The following CD300LB variants were observed in gnomAD, a reference collection of about 807,000 sequenced individuals.
CD300LB encodes CMRF35-like molecule 7.
A neutral mutation model predicts 20.8 loss-of-function variants in CD300LB; 18 were observed. That is an observed-to-expected ratio of 0.87 (90% CI 0.60 to 1.28). CD300LB has a LOEUF of 1.28. Among genes scored for constraint, CD300LB ranks in the 50% most tolerant of loss-of-function variants. The pLI is 0.00. For synonymous variants in CD300LB, 91 were observed against 91.3 expected (o/e 1.00, Z 0.02); for missense variants, 222 against 251.8 (o/e 0.88, Z 0.80).
chr17:74,526,805 T>A (rs1908049930), intron 1 of CD300LB, among the ~76,000 whole-genome samples: 1 of 152,222 alleles, frequency 6.6e-6, no homozygotes, highest in Admixed American at 6.5e-5. Flanking sequence ...GTAATCCATG[T>A]GATGTCACTG....
chr17:74,528,982 T>C lies in CD300LB; in HGVS notation c.40+2329A>G, dbSNP rs188054100. Among the ~76,000 whole-genome samples the C allele has an allele frequency of 3.9e-5, 6 of 151,916 alleles. No individual in the cohort carries two copies. The East Asian group carries it at 1.2e-3, about 29-fold the overall frequency. ...CCCTGTGTCTGCAAATGCAAAAGAT[T>C]AGCCAGGAGTGGTGGTGCATGCCTG... On this transcript the variant is annotated intron_variant, in intron 1 of 3. Transcript: ENST00000392621.
intron 1 of CD300LB, among the ~76,000 whole-genome samples, chr17:74,529,724 A>C (rs1335044113): frequency 2.0e-5 from 3 of 152,138 alleles, no homozygotes; most frequent in Non-Finnish European, 4.4e-5. Context: ...TGGGAGGCGG[A>C]GGTTGCAGTG....
In CD300LB at chr17:74,521,220, TG is replaced by T; in HGVS notation, c.*1517del. ...ATTGAATATCAACAGGAAGAAACGG[TG>T]GGAAAAGAATGACATCACGTTGACA... is the stretch of plus-strand genomic sequence containing the variant. On this transcript the variant is annotated 3_prime_UTR_variant, in exon 4 of 4. Transcript: ENST00000392621. The T allele has an allele frequency of 3.8e-6, 1 of 262,296 alleles. No homozygotes were observed. The highest frequency in any genetic ancestry group is 5.9e-6 in the Non-Finnish European group (1 of 168,986). 16.2% of individuals were successfully genotyped at this position (262,296 alleles called of 1,614,324 possible). A position where few individuals can be genotyped will look rare whatever the true frequency, so the allele number is the denominator to read the frequency against.
chr17:74,531,163 G>A (rs1030620882), intron 1 of CD300LB, 148 bp downstream of exon 1: 25 of 894,322 alleles, frequency 2.8e-5, no homozygotes, highest in East Asian at 1.9e-4. Context: ...CTCAGGCCCC[G>A]AAGCACACGA....
Position 74,522,112 on chromosome 17 carries a change from C to G in CD300LB, c.*626G>C. The stretch of plus-strand genomic sequence containing the variant: ...GAGGTGGGAGGGGGAGGACAAGCAC[C>G]GGGCCGGGCCAGGGAGGTTCCCATT... On this transcript the variant is annotated 3_prime_UTR_variant, in exon 4 of 4. Coordinates refer to ENST00000392621, the MANE Select transcript of CD300LB (RefSeq NM_174892.4). The G allele has an allele frequency of 1.0e-6, 1 of 985,128 alleles. No homozygotes were observed. The highest frequency in any genetic ancestry group is 1.7e-5 in the African/African-American group (1 of 57,256). The allele number at this position is 985,128 out of a possible 1,614,324, so 61.0% of individuals were successfully genotyped here.
At chr17:74,529,802 CA>C (rs1908147376) in intron 1 of CD300LB, among the ~76,000 whole-genome samples, 1 of 152,096 alleles carries the variant, frequency 6.6e-6, no homozygotes, top group African/African-American at 2.4e-5. Flanking sequence ...AAACAAAAAA[CA>C]AAAACAAAAA....
Position 74,522,769 on chromosome 17 carries a change from G to A in CD300LB, c.575C>T (p.Ser192Phe). The change falls in exon 4 of 4, where the codon TCC becomes TTC. Residue 192 changes from serine (S) to phenylalanine (F), a missense_variant. Physicochemically the swap from Ser to Phe is radical, Grantham distance 155 (BLOSUM62 -2). Transcript: ENST00000392621. The part of the protein sequence containing the change: ...PGEQPIYMNF[S>F]EPLTKDMAT ...GGCCATGTCTTTAGTCAGAGGTTCG[G>A]AGAAGTTCATGTAGATAGGCTGTTC... 6.2e-7 allele frequency: 1 copy of A among 1,614,178 alleles called. No individual in the cohort carries two copies.
rs755922158 is a variant in CD300LB, at chr17:74,525,836, G to A, written c.282C>T (p.Leu94=). The A allele has an allele frequency of 3.1e-6, 5 of 1,614,020 alleles. No homozygotes were observed. In the African/African-American group the frequency reaches 6.7e-5, roughly 22 times the overall value. ...DRTFTVTMEG[L]RRDDADVYWC... ...AGTAAACATCTGCGTCATCTCGCCT[G>A]AGCCCCTCCATGGTCACAGTGAACG... The change falls in exon 2 of 4, where the codon CTC becomes CTT. Residue 94 remains leucine (L), a synonymous_variant. Coordinates refer to ENST00000392621, the MANE Select transcript of CD300LB (RefSeq NM_174892.4).
At chr17:74,524,613 C>T (rs1361440911) in intron 2 of CD300LB, among the ~76,000 whole-genome samples, 1 of 152,048 alleles carries the variant, frequency 6.6e-6, no homozygotes, top group African/African-American at 2.4e-5. Context: ...CAAAATAAAA[C>T]AAAACAAAAC....
At chr17:74,526,172 C>A in intron 1 of CD300LB, 95 bp from the exon 2 acceptor site, 1 of 1,505,010 alleles carries the variant, frequency 6.6e-7, no homozygotes, top group Non-Finnish European at 8.9e-7. Flanking sequence ...GGAGAAACAG[C>A]CTGGAAAACA....
rs754500094 is a variant in CD300LB, at chr17:74,531,298, C to T, written c.40+13G>A. 1 of 1,563,970 alleles carries T rather than the reference C, an allele frequency of 6.4e-7. No homozygotes were observed. The highest frequency in any genetic ancestry group is 2.4e-5 in the East Asian group (1 of 42,190). On this transcript the variant is annotated intron_variant, in intron 1 of 3. Coordinates refer to ENST00000392621, the MANE Select transcript of CD300LB (RefSeq NM_174892.4). Reference sequence around the variant, plus strand: ...CTGTCATACCAAGCGCCCAAGGCCCCAGCCCCACTCACCTGAGAGGCTGAG... The same window carrying T: ...CTGTCATACCAAGCGCCCAAGGCCCTAGCCCCACTCACCTGAGAGGCTGAG...
chr17:74,530,878 T>G (rs1908190252), intron 1 of CD300LB, among the ~76,000 whole-genome samples: 1 of 152,012 alleles, frequency 6.6e-6, no homozygotes, highest in Admixed American at 6.6e-5. Context: ...CGATCATAAC[T>G]CTGCAGAATT....
At position 74,521,411 on chromosome 17, in the gene CD300LB, G is replaced by A; in HGVS notation, c.*1327C>T. 1.0e-6 allele frequency: 1 copy of A among 985,552 alleles called. No homozygotes were observed. The highest frequency in any genetic ancestry group is 1.2e-6 in the Non-Finnish European group (1 of 830,022). The allele number at this position is 985,552 out of a possible 1,614,324, so 61.1% of individuals were successfully genotyped here. On this transcript the variant is annotated 3_prime_UTR_variant, in exon 4 of 4. Transcript: ENST00000392621. ...GGGCCCTGGGGCTGGTGGACTGTGGGTCTTGGTCCCTCACAGAATGACTCA... is the reference window on the plus strand; with the variant it reads ...GGGCCCTGGGGCTGGTGGACTGTGGATCTTGGTCCCTCACAGAATGACTCA...
chr17:74,530,914 C>T (rs1311711579), intron 1 of CD300LB, among the ~76,000 whole-genome samples: 1 of 152,082 alleles, frequency 6.6e-6, no homozygotes, highest in Non-Finnish European at 1.5e-5. Context: ...AAGGATCCTC[C>T]AGCTTCAGCC....
intron 1 of CD300LB, among the ~76,000 whole-genome samples, chr17:74,527,287 G>C (rs949832137): frequency 2.0e-5 from 3 of 152,002 alleles, no homozygotes; most frequent in African/African-American, 7.3e-5. Flanking sequence ...GCAATGACAC[G>C]GGTTTCTTGA....
Position 74,522,441 on chromosome 17 carries a change from C to T in CD300LB, c.*297G>A. On this transcript the variant is annotated 3_prime_UTR_variant, in exon 4 of 4. Coordinates refer to ENST00000392621, the MANE Select transcript of CD300LB (RefSeq NM_174892.4). ...TGTACTTTGGTCCCATGCTCTGTGCCCGAGTTATTCCAGCAGTGGGGACAG... is the reference window on the plus strand; with the variant it reads ...TGTACTTTGGTCCCATGCTCTGTGCTCGAGTTATTCCAGCAGTGGGGACAG... The T allele has an allele frequency of 9.0e-7, 1 of 1,116,102 alleles. No homozygotes were observed. The highest frequency in any genetic ancestry group is 1.1e-6 in the Non-Finnish European group (1 of 910,196). The allele number at this position is 1,116,102 out of a possible 1,614,324, so 69.1% of individuals were successfully genotyped here.
Position 74,522,878 on chromosome 17 carries a change from A to G in CD300LB, c.466T>C (p.Phe156Leu). 6.2e-7 allele frequency: 1 copy of G among 1,613,930 alleles called. No individual in the cohort carries two copies. The highest frequency in any genetic ancestry group is 1.3e-5 in the African/African-American group (1 of 75,044). Residue 156 changes from phenylalanine (F) to leucine (L), a missense_variant, in exon 4 of 4, where the codon TTT becomes CTT. Physicochemically the swap from Phe to Leu is conservative, Grantham distance 22. Coordinates refer to ENST00000392621, the MANE Select transcript of CD300LB (RefSeq NM_174892.4). ...ATGAGCAAGATGGGCACCTTCACAA[A>G]TACCAGGAGCATGTAGTGGTTCCTG... ...HKRNHYMLLVFVKVPILLILV... is the reference protein window; with the variant it reads ...HKRNHYMLLVLVKVPILLILV...
rs1907946480 is a variant in CD300LB, at chr17:74,523,588, G to A, written c.434C>T (p.Ser145Phe). 6.2e-7 allele frequency: 1 copy of A among 1,612,172 alleles called. No homozygotes were observed. Among genetic ancestry groups the A allele is most frequent in the Non-Finnish European group, 8.5e-7 (1 of 1,178,300 alleles). Reference protein sequence around the residue: ...TNSNMAVFIGSHKRNHYMLLV... With the variant: ...TNSNMAVFIGFHKRNHYMLLV... ...GAACCACATGACTCACCTCTTGTGG[G>A]AGCCGATGAACACTGCCATATTGCT... The change falls in exon 3 of 4, where the codon TCC becomes TTC. Residue 145 changes from serine to phenylalanine, a missense_variant. Physicochemically the swap from Ser to Phe is radical, Grantham distance 155. Transcript: ENST00000392621.
chr17:74,523,634 T>C lies in CD300LB; in HGVS notation c.388A>G (p.Thr130Ala), dbSNP rs779617250. Reference sequence around the variant, plus strand: ...TTGCTGTTGGTAGGTGAGCTTGCTGTTGTGGAAGCCGCTCCCTCTAGACAC... The same window carrying C: ...TTGCTGTTGGTAGGTGAGCTTGCTGCTGTGGAAGCCGCTCCCTCTAGACAC... ...IVDPEGAAST[T>A]ASSPTNSNMA... The change falls in exon 3 of 4, where the codon ACA becomes GCA. Residue 130 changes from threonine (T) to alanine (A), a missense_variant. Thr to Ala is a moderately conservative substitution (Grantham distance 58). Coordinates refer to ENST00000392621, the MANE Select transcript of CD300LB (RefSeq NM_174892.4). The C allele has an allele frequency of 1.9e-6, 3 of 1,613,412 alleles. No individual in the cohort carries two copies. Among genetic ancestry groups the C allele is most frequent in the Non-Finnish European group, 2.5e-6 (3 of 1,179,318 alleles).
Sources: allele counts gnomAD v4.1 joint callset (sites outside exome capture counted in the v4.1 genomes callset), GRCh38; gene constraint gnomAD v4.1.1; transcripts MANE v1.5; gene names NCBI Gene and HGNC (gene_info 2026-07-23, HGNC 2026-07-21).